CLOCK: variants seen among roughly 807,000 people sequenced by gnomAD.
CLOCK encodes the protein clock circadian regulator, also known as circadian locomoter output cycles protein kaput.
In CLOCK, 43 loss-of-function variants were observed where a neutral mutation model predicts 118.4. The observed-to-expected ratio is 0.36, with a 90% CI of 0.28 to 0.47. The LOEUF (loss-of-function observed/expected upper bound fraction) is 0.47. CLOCK is among the 20% of genes least tolerant of loss of function. CLOCK has a pLI of 1.00. For synonymous variants in CLOCK, 326 were observed against 339.2 expected (o/e 0.96, Z 0.43); for missense variants, 846 against 999.9 (o/e 0.85, Z 2.08).
intron 21 of CLOCK, 24 bp downstream of exon 21, chr4:55,442,408 T>C: frequency 6.3e-7 from 1 of 1,587,386 alleles, no homozygotes; most frequent in Non-Finnish European, 8.6e-7. Context: ...ATTTTAAAAA[T>C]AACAAATGAA....
At position 55,515,805 on chromosome 4, in the gene CLOCK, C is replaced by T. The variant is rs141114644; in HGVS notation, c.-289-5740G>A. On this transcript the variant is annotated intron_variant, in intron 1 of 22. Transcript: ENST00000513440. ...TCTTTACTCTTTTCTATGTATTCCACGCTATAAATTTCCCTCTAGGCATTC... is the reference window on the plus strand; with the variant it reads ...TCTTTACTCTTTTCTATGTATTCCATGCTATAAATTTCCCTCTAGGCATTC... 5.9e-5 allele frequency among the ~76,000 whole-genome samples: 9 copies of T among 152,268 alleles called. No individual in the cohort carries two copies. In the South Asian group the frequency reaches 6.2e-4, roughly 11 times the overall value.
intron 18 of CLOCK, among the ~76,000 whole-genome samples, chr4:55,445,582 CTTTTTTTTTT>C (rs56157186): frequency 1.2e-4 from 8 of 68,594 alleles, no homozygotes; most frequent in East Asian, 4.9e-4. Context: ...TTTCTATATT[CTTTTTTTTTT>C]TTTTTTTTTT....
chr4:55,506,001 G>A (rs761215857), intron 2 of CLOCK, among the ~76,000 whole-genome samples: 17 of 151,800 alleles, frequency 1.1e-4, no homozygotes, highest in African/African-American at 3.9e-4. Flanking sequence ...AATATCTACA[G>A]TATAGTTACC....
At chr4:55,512,452 T>TA (rs1225761230) in intron 1 of CLOCK, among the ~76,000 whole-genome samples, 2 of 152,208 alleles carry the variant, frequency 1.3e-5, no homozygotes, top group African/African-American at 4.8e-5. Flanking sequence ...TGTTAAGTTT[T>TA]AAGAGTCCAT....
chr4:55,532,875 G>A (rs892641343), intron 1 of CLOCK, among the ~76,000 whole-genome samples: 2 of 151,970 alleles, frequency 1.3e-5, no homozygotes, highest in South Asian at 2.1e-4. Context: ...GGTCGGGGGG[G>A]TAGTGTGGAT....
At chr4:55,460,513 T>A (rs985518823) in intron 9 of CLOCK, among the ~76,000 whole-genome samples, 4 of 152,218 alleles carry the variant, frequency 2.6e-5, no homozygotes, top group Admixed American at 1.3e-4. Context: ...TCTCTTCCCA[T>A]CACAAGTCCC....
intron 2 of CLOCK, among the ~76,000 whole-genome samples, chr4:55,506,563 T>G (rs1728807065): frequency 6.6e-6 from 1 of 152,018 alleles, no homozygotes; most frequent in African/African-American, 2.4e-5. Context: ...TTTATTTTAT[T>G]TTATATTTTA....
At chr4:55,545,384 G>A (rs1012801864) in intron 1 of CLOCK, 1 of 152,150 alleles carries the variant, frequency 6.6e-6, no homozygotes, top group South Asian at 2.1e-4. Flanking sequence ...AGGTAGAGGG[G>A]AATATTGCAC....
intron 2 of CLOCK, among the ~76,000 whole-genome samples, chr4:55,492,171 A>AAATT (rs1434106716): frequency 6.6e-6 from 1 of 152,184 alleles, no homozygotes; most frequent in Non-Finnish European, 1.5e-5. Flanking sequence ...ACGCAACAGT[A>AAATT]AATTAAAAGG....
intron 10 of CLOCK, 61 bp downstream of exon 10, chr4:55,459,087 C>T: frequency 6.8e-7 from 1 of 1,463,868 alleles, no homozygotes. Flanking sequence ...ACATCTATGT[C>T]TTTAAGAGCA....
rs2109606509 is a variant in CLOCK at position 55,433,019 on chromosome 4, TAA to T, written c.*2394_*2395del. The T allele has an allele frequency of 6.5e-6, 1 of 152,710 alleles. No homozygotes were observed. Among genetic ancestry groups the T allele is most frequent in the South Asian group, 2.1e-4 (1 of 4,824 alleles). The allele number at this position is 152,710 out of a possible 1,614,324, so 9.5% of individuals were successfully genotyped here. ...GGTATGTAGAGGACAGGCCTCAATA[TAA>T]TAGTTCTTCATATCTTTTGTTAGCT... On this transcript the variant is annotated 3_prime_UTR_variant, in exon 23 of 23. Coordinates refer to ENST00000513440, the MANE Select transcript of CLOCK (RefSeq NM_004898.4).
At chr4:55,470,479 CCTCAGAACATATTCCCAT>C (rs965349328) in intron 8 of CLOCK, among the ~76,000 whole-genome samples, 4 of 151,998 alleles carry the variant, frequency 2.6e-5, no homozygotes, top group African/African-American at 7.3e-5. Flanking sequence ...GACAAAAGTG[CCTCAGAACATATTCCCAT>C]TATTTAGTGA....
rs193253517 is a variant in CLOCK at position 55,541,332 on chromosome 4, C to A, written c.-290+5450G>T. 2.7e-3 allele frequency among the ~76,000 whole-genome samples: 416 copies of A among 152,276 alleles called. 2 individuals are homozygous for A. Among genetic ancestry groups the A allele is most frequent in the African/African-American group, 9.9e-3 (411 of 41,560 alleles). ...TTGAGTGTTCTATAAATAATTCATA[C>A]AACTCCATCTAGAATTTTTGATCCA... On this transcript the variant is annotated intron_variant, in intron 1 of 22. Coordinates refer to ENST00000513440, the MANE Select transcript of CLOCK (RefSeq NM_004898.4).
intron 4 of CLOCK, among the ~76,000 whole-genome samples, chr4:55,480,506 C>G (rs1726843859): frequency 6.6e-6 from 1 of 152,040 alleles, no homozygotes; most frequent in South Asian, 2.1e-4. Context: ...GCTCAAATGA[C>G]CTTCCTATCT....
At chr4:55,538,137 T>C (rs1210233736) in intron 1 of CLOCK, among the ~76,000 whole-genome samples, 1 of 152,242 alleles carries the variant, frequency 6.6e-6, no homozygotes. Context: ...CTCATTACAC[T>C]TTCTACAGAT....
At chr4:55,461,408 T>C (rs1725332839) in intron 9 of CLOCK, among the ~76,000 whole-genome samples, 1 of 152,152 alleles carries the variant, frequency 6.6e-6, no homozygotes, top group African/African-American at 2.4e-5. Context: ...TGGTGAAAGA[T>C]GCTTTCATTG....
At chr4:55,486,771 T>C (rs184671636) in intron 3 of CLOCK, among the ~76,000 whole-genome samples, 111 of 152,298 alleles carry the variant, frequency 7.3e-4, no homozygotes, top group Admixed American at 1.3e-3. Context: ...ACCTGTTATT[T>C]ATTTCACTCT....
chr4:55,544,527 T>C (rs938536852), intron 1 of CLOCK, among the ~76,000 whole-genome samples: 1 of 152,200 alleles, frequency 6.6e-6, no homozygotes, highest in African/African-American at 2.4e-5. Context: ...CTGTGACCTC[T>C]GCAATCTTAA....
At chr4:55,471,770 G>T (rs878856378) in intron 7 of CLOCK, among the ~76,000 whole-genome samples, 1 of 152,122 alleles carries the variant, frequency 6.6e-6, no homozygotes, top group African/African-American at 2.4e-5. Flanking sequence ...AGAGAAAAAG[G>T]CCAGAGAAAA....
Sources: allele counts gnomAD v4.1 joint callset (sites outside exome capture counted in the v4.1 genomes callset), GRCh38; gene constraint gnomAD v4.1.1; transcripts MANE v1.5; gene names NCBI Gene and HGNC (gene_info 2026-07-23, HGNC 2026-07-21).